CPLANE1: variants seen among roughly 807,000 people sequenced by gnomAD.
The protein encoded by CPLANE1 is ciliogenesis and planar polarity effector complex subunit 1.
A neutral mutation model predicts 362.5 loss-of-function variants in CPLANE1; 263 were observed. The ratio of observed to expected loss-of-function variants is 0.73; its 90% CI spans 0.66 to 0.80. CPLANE1 has a LOEUF of 0.80. CPLANE1 is among the 30% of genes least tolerant of loss of function. CPLANE1 has a pLI of 0.00. For missense variants in CPLANE1, 3,461 were observed against 3,793.4 expected (o/e 0.91, Z 2.30); for synonymous variants, 1,212 against 1,302.6 (o/e 0.93, Z 1.50).
rs546520363 is a variant in CPLANE1, at chr5:37,208,810, T to C, written c.2921-2385A>G. ...ATTTTAATTCTCTCCATAACAGTTA[T>C]AACCATTTGATATATCTTGTTTATA... On this transcript the variant is annotated intron_variant, in intron 16 of 52. Coordinates refer to ENST00000651892, the MANE Select transcript of CPLANE1 (RefSeq NM_001384732.1). Among the ~76,000 whole-genome samples the C allele has an allele frequency of 3.0e-4, 46 of 151,896 alleles. 1 individual carries two copies. The highest frequency in any genetic ancestry group is 3.4e-3 in the Middle Eastern group (1 of 292).
At chr5:37,146,336 A>C (rs1771574906) in intron 43 of CPLANE1, among the ~76,000 whole-genome samples, 1 of 151,904 alleles carries the variant, frequency 6.6e-6, no homozygotes, top group African/African-American at 2.4e-5. Flanking sequence ...CCGCCACCAC[A>C]CCAGGCTAAT....
chr5:37,090,076 A>T, the CPLANE1 span, among the ~76,000 whole-genome samples: 2 of 152,202 alleles, frequency 1.3e-5, no homozygotes, highest in African/African-American at 2.4e-5. Flanking sequence ...GTACGTATTA[A>T]CTTTCCAGTC....
chr5:37,117,571 A>G (rs1022201248), intron 50 of CPLANE1, among the ~76,000 whole-genome samples: 1 of 152,208 alleles, frequency 6.6e-6, no homozygotes, highest in Non-Finnish European at 1.5e-5. Context: ...GAAGTGAGAC[A>G]TTCAAGGTAT....
chr5:37,081,319 G>A, the CPLANE1 span, among the ~76,000 whole-genome samples: 1 of 152,066 alleles, frequency 6.6e-6, no homozygotes, highest in Non-Finnish European at 1.5e-5. Flanking sequence ...AAAATGTATG[G>A]TTCTGTTTGT....
the CPLANE1 span, among the ~76,000 whole-genome samples, chr5:37,093,331 T>G: frequency 3.3e-5 from 5 of 152,226 alleles, no homozygotes; most frequent in African/African-American, 9.6e-5. Flanking sequence ...CAAGATGCAC[T>G]GGCATTCCAA....
At chr5:37,230,845 T>C (rs1037885815) in intron 9 of CPLANE1, 22 bp downstream of exon 9, 2 of 1,384,708 alleles carry the variant, frequency 1.4e-6, no homozygotes, top group Non-Finnish European at 1.9e-6. Flanking sequence ...ATAAACAAAT[T>C]AACACAATTC....
Position 37,106,950 on chromosome 5 carries a change from T to C in CPLANE1, c.*652A>G. ...GGTTCTTACAAATTTAAGATGAGCC[T>C]TCTAGAGGCCGGAGTCATATTCCCT... On this transcript the variant is annotated 3_prime_UTR_variant, in exon 53 of 53. Coordinates refer to ENST00000651892, the MANE Select transcript of CPLANE1 (RefSeq NM_001384732.1). The C allele has an allele frequency of 1.0e-6, 1 of 985,432 alleles. No individual in the cohort carries two copies. Among genetic ancestry groups the C allele is most frequent in the Non-Finnish European group, 1.2e-6 (1 of 829,932 alleles). 61.0% of individuals were successfully genotyped at this position (985,432 alleles called of 1,614,324 possible).
chr5:37,173,280 G>A (rs1175635963), intron 32 of CPLANE1, among the ~76,000 whole-genome samples: 1 of 152,200 alleles, frequency 6.6e-6, no homozygotes, highest in Non-Finnish European at 1.5e-5. Context: ...ATATGTGATA[G>A]TGTCAGCTGG....
intron 46 of CPLANE1, among the ~76,000 whole-genome samples, chr5:37,135,427 G>A (rs942772754): frequency 6.6e-6 from 1 of 152,208 alleles, no homozygotes; most frequent in South Asian, 2.1e-4. Flanking sequence ...GCATGGCTGG[G>A]GAGGCCTCAA....
intron 42 of CPLANE1, among the ~76,000 whole-genome samples, chr5:37,151,852 T>C (rs1418550386): frequency 2.0e-5 from 3 of 151,766 alleles, no homozygotes; most frequent in Non-Finnish European, 4.4e-5. Flanking sequence ...AGTTGGAGAC[T>C]GGCCTGGGCA....
intron 21 of CPLANE1, among the ~76,000 whole-genome samples, chr5:37,195,590 C>A (rs576561993): frequency 6.7e-6 from 1 of 149,260 alleles, no homozygotes; most frequent in South Asian, 2.1e-4. Flanking sequence ...CAGAGCCAGA[C>A]TCTGTCTCAA....
rs1276687673 is a variant in CPLANE1 at position 37,224,578 on chromosome 5, AC to A, written c.2453del (p.Ser818IlefsTer6). ...LLCHLQANLQ[S>X]TGDCLNQTLE... ...AGGTTTGATTCAAGCAATCTCCAGT[AC>A]TCTGTAGGTTAGCCTGCAAATGACA... On this transcript the variant is annotated frameshift_variant, in exon 13 of 53. Transcript: ENST00000651892. 1 of 1,551,406 alleles carries A rather than the reference AC, an allele frequency of 6.4e-7. No individual in the cohort carries two copies.
intron 15 of CPLANE1, among the ~76,000 whole-genome samples, chr5:37,220,016 G>A (rs1795012971): frequency 6.6e-6 from 1 of 152,136 alleles, no homozygotes; most frequent in South Asian, 2.1e-4. Flanking sequence ...ACTTTGGGAG[G>A]CCAAGGTGGG....
At chr5:37,245,166 C>T (rs1739147041) in intron 4 of CPLANE1, among the ~76,000 whole-genome samples, 1 of 150,256 alleles carries the variant, frequency 6.7e-6, no homozygotes, top group South Asian at 2.1e-4. Context: ...AAAAAAAGTA[C>T]AAAAATAGCA....
In CPLANE1 at chr5:37,153,787, C is replaced by A. The variant is rs762951863; in HGVS notation, c.8326G>T (p.Glu2776Ter). Residue 2776 changes from glutamate (E) to a stop codon, truncating the protein, a stop_gained, in exon 42 of 53, where the codon GAA becomes TAA. Coordinates refer to ENST00000651892, the MANE Select transcript of CPLANE1 (RefSeq NM_001384732.1). LOFTEE classifies it high-confidence loss of function. Reference sequence around the variant, plus strand: ...ATTTCAGGCTTGGGGAAATCCTGTTCTATGTTTTCAGCAATGTTCTGTATT... The same window carrying A: ...ATTTCAGGCTTGGGGAAATCCTGTTATATGTTTTCAGCAATGTTCTGTATT... ...LAIQNIAENIEQDFPKPEMLD... is the reference protein window; with the variant it reads ...LAIQNIAENI The A allele has an allele frequency of 4.0e-5, 65 of 1,613,856 alleles. No individual in the cohort carries two copies. The highest frequency in any genetic ancestry group is 5.3e-5 in the Non-Finnish European group (62 of 1,179,926).
At chr5:37,228,394 C>T (rs1796926437) in intron 9 of CPLANE1, among the ~76,000 whole-genome samples, 1 of 152,078 alleles carries the variant, frequency 6.6e-6, no homozygotes, top group South Asian at 2.1e-4. Flanking sequence ...AACAAACCAT[C>T]AAAGTATATT....
At chr5:37,158,839 A>T (rs1319309637) in intron 38 of CPLANE1, among the ~76,000 whole-genome samples, 1 of 148,188 alleles carries the variant, frequency 6.7e-6, no homozygotes. Flanking sequence ...CCCAGGCTGC[A>T]GTGCAGTAAC....
chr5:37,240,560 C>T (rs773464189), intron 6 of CPLANE1, among the ~76,000 whole-genome samples: 35 of 152,106 alleles, frequency 2.3e-4, no homozygotes, highest in Non-Finnish European at 3.5e-4. Flanking sequence ...ACAACCAGAT[C>T]TCCCGTGAAC....
At chr5:37,124,056 A>T (rs1188528615) in intron 47 of CPLANE1, among the ~76,000 whole-genome samples, 1 of 152,056 alleles carries the variant, frequency 6.6e-6, no homozygotes. Context: ...CTGGGCTATC[A>T]AGAAAACGTT....
Sources: allele counts gnomAD v4.1 joint callset (sites outside exome capture counted in the v4.1 genomes callset), GRCh38; gene constraint gnomAD v4.1.1; transcripts MANE v1.5; gene names NCBI Gene and HGNC (gene_info 2026-07-23, HGNC 2026-07-21).